LNX1: variants seen among roughly 807,000 people sequenced by gnomAD.
The protein encoded by LNX1 is E3 ubiquitin-protein ligase LNX.
Under a neutral mutation model 68.4 loss-of-function variants are expected in LNX1, and 54 were observed. The observed-to-expected ratio is 0.79, with a 90% CI of 0.63 to 0.99. LNX1 has a LOEUF of 0.99. LNX1 is among the 50% of genes least tolerant of loss of function. LNX1 has a pLI of 0.00. For missense variants in LNX1, 906 were observed against 926.4 expected (o/e 0.98, Z 0.29); for synonymous variants, 336 against 350.0 (o/e 0.96, Z 0.45).
chr4:53,582,780 T>C (rs186925818), intron 1 of LNX1, among the ~76,000 whole-genome samples: 1 of 152,276 alleles, frequency 6.6e-6, no homozygotes, highest in East Asian at 1.9e-4. Context: ...GCAGAATGGT[T>C]GCTTAGTTTC....
chr4:53,544,020 A>G (rs1728930302), intron 2 of LNX1, among the ~76,000 whole-genome samples: 1 of 152,236 alleles, frequency 6.6e-6, no homozygotes, highest in African/African-American at 2.4e-5. Flanking sequence ...CCTGAGTTAC[A>G]TGGAACAAAC....
At chr4:53,617,693 T>C (rs1222247672), upstream of LNX1, among the ~76,000 whole-genome samples, 1 of 152,210 alleles carries the variant, frequency 6.6e-6, no homozygotes, top group Non-Finnish European at 1.5e-5. Flanking sequence ...CTTGTTTTGT[T>C]GAAGTTAAGG....
chr4:53,501,304 G>GGGA (rs60960129), intron 4 of LNX1, among the ~76,000 whole-genome samples: 1 of 75,170 alleles, frequency 1.3e-5, no homozygotes, highest in African/African-American at 5.0e-5. Context: ...TTTTTTGGGG[G>GGGA]TGGGGGGACA....
upstream of LNX1, chr4:53,594,166 A>T (rs1434983911): frequency 1.3e-5 from 2 of 150,258 alleles, no homozygotes; most frequent in East Asian, 1.9e-4. Context: ...TGTATATATA[A>T]ATATGTATAT....
intron 2 of LNX1, among the ~76,000 whole-genome samples, chr4:53,608,824 C>G (rs1287879582): frequency 6.6e-6 from 1 of 152,078 alleles, no homozygotes; most frequent in Non-Finnish European, 1.5e-5. Context: ...ATGGAGAGAG[C>G]TGGAGGCCAT....
At chr4:53,502,932 ATCTT>A (rs1184174519) in intron 4 of LNX1, among the ~76,000 whole-genome samples, 3 of 53,232 alleles carry the variant, frequency 5.6e-5, no homozygotes, top group African/African-American at 1.3e-4. Flanking sequence ...ATTTGGTCAT[ATCTT>A]TTTTTTTTTT....
intron 6 of LNX1, among the ~76,000 whole-genome samples, chr4:53,493,645 T>C (rs1255460125): frequency 1.3e-5 from 2 of 152,240 alleles, no homozygotes; most frequent in Non-Finnish European, 2.9e-5. Context: ...TGTGTTTAGA[T>C]AACCAAGTCC....
intron 1 of LNX1, among the ~76,000 whole-genome samples, chr4:53,590,067 G>A (rs575913990): frequency 6.6e-6 from 1 of 152,236 alleles, no homozygotes; most frequent in Admixed American, 6.5e-5. Flanking sequence ...GAGACAAGTG[G>A]TGGCCAAACC....
At chr4:53,641,057 G>A (rs1734662259) in intron 1 of LNX1, among the ~76,000 whole-genome samples, 1 of 152,170 alleles carries the variant, frequency 6.6e-6, no homozygotes, top group Non-Finnish European at 1.5e-5. Flanking sequence ...GAGGCGACTC[G>A]GCACAGGCTA....
intron 2 of LNX1, among the ~76,000 whole-genome samples, chr4:53,573,228 G>A (rs1731272412): frequency 6.6e-6 from 1 of 152,178 alleles, no homozygotes; most frequent in African/African-American, 2.4e-5. Flanking sequence ...TGGCTGCCAG[G>A]GGCTGGGGGA....
chr4:53,644,266 T>C (rs376726400), intron 1 of LNX1, among the ~76,000 whole-genome samples: 1 of 151,976 alleles, frequency 6.6e-6, no homozygotes, highest in Non-Finnish European at 1.5e-5. Flanking sequence ...ATGGTTATGG[T>C]GGCATGCTCC....
chr4:53,599,967 C>T (rs939028147), intron 2 of LNX1, among the ~76,000 whole-genome samples: 1 of 152,174 alleles, frequency 6.6e-6, no homozygotes, highest in African/African-American at 2.4e-5. Flanking sequence ...CAGCAGGTGA[C>T]AGTAACATCT....
intron 1 of LNX1, among the ~76,000 whole-genome samples, chr4:53,586,976 C>T (rs1732208903): frequency 6.6e-6 from 1 of 152,256 alleles, no homozygotes; most frequent in South Asian, 2.1e-4. Flanking sequence ...CTGAAAAACA[C>T]AAATCCTCTT....
At chr4:53,561,713 C>T (rs1050827487) in intron 2 of LNX1, among the ~76,000 whole-genome samples, 2 of 152,150 alleles carry the variant, frequency 1.3e-5, no homozygotes, top group African/African-American at 4.8e-5. Context: ...AGCCTTCAGC[C>T]ACGTATGTCT....
At chr4:53,566,416 A>G (rs1313652877) in intron 2 of LNX1, among the ~76,000 whole-genome samples, 2 of 152,094 alleles carry the variant, frequency 1.3e-5, no homozygotes, top group Non-Finnish European at 2.9e-5. Context: ...GAAGTGAAGG[A>G]GAAAGAAAAT....
chr4:53,545,465 G>A (rs1454968218), intron 2 of LNX1, among the ~76,000 whole-genome samples: 1 of 152,208 alleles, frequency 6.6e-6, no homozygotes, highest in Non-Finnish European at 1.5e-5. Context: ...CTGCATTCCA[G>A]GCTGGCTGGA....
intron 1 of LNX1, among the ~76,000 whole-genome samples, chr4:53,636,925 A>G (rs1159715006): frequency 6.6e-6 from 1 of 151,602 alleles, no homozygotes; most frequent in Non-Finnish European, 1.5e-5. Context: ...CTTATCTTGT[A>G]TGCAGACCGC....
intron 2 of LNX1, among the ~76,000 whole-genome samples, chr4:53,601,933 T>G (rs1437422017): frequency 6.6e-6 from 1 of 152,012 alleles, no homozygotes; most frequent in East Asian, 1.9e-4. Context: ...ACCACCCCAT[T>G]CTGTAGAATC....
At chr4:53,490,856 C>T (rs1478497896) in intron 6 of LNX1, among the ~76,000 whole-genome samples, 5 of 152,174 alleles carry the variant, frequency 3.3e-5, no homozygotes, top group Non-Finnish European at 7.4e-5. Flanking sequence ...CATGCGATTG[C>T]TTAGCTAGGT....
Sources: allele counts gnomAD v4.1 joint callset (sites outside exome capture counted in the v4.1 genomes callset), GRCh38; gene constraint gnomAD v4.1.1; transcripts MANE v1.5; gene names NCBI Gene and HGNC (gene_info 2026-07-23, HGNC 2026-07-21).